The following CACNA1S variants were observed in gnomAD, a reference collection of about 807,000 sequenced individuals.
CACNA1S encodes the protein voltage-dependent L-type calcium channel subunit alpha-1S.
A neutral mutation model predicts 207.4 loss-of-function variants in CACNA1S; 126 were observed. The ratio of observed to expected loss-of-function variants is 0.61; its 90% confidence interval spans 0.53 to 0.70. CACNA1S has a LOEUF of 0.70. Ranked by LOEUF, CACNA1S falls within the 30% of genes least tolerant of loss-of-function variation. The pLI is 0.00. For synonymous variants in CACNA1S, 960 were observed against 932.7 expected, an observed-to-expected ratio of 1.03 and a Z score of -0.53; for missense variants, 2,349 against 2,422.8, an observed-to-expected ratio of 0.97 and a Z score of 0.64.
At chr1:201,054,433 A>G in intron 29 of CACNA1S, 72 bp downstream of exon 29, 2 of 1,439,366 alleles carry the variant, frequency 1.4e-6, no homozygotes, top group Non-Finnish European at 2.0e-6. Flanking sequence ...CCACGCAGCC[A>G]GGCCCATGCA....
In CACNA1S at chr1:201,053,725, C is replaced by CTGCT. The variant is rs1156496819; in HGVS notation, c.3667-142_3667-139dup. The CTGCT allele has an allele frequency of 3.5e-6, 3 of 861,926 alleles. No individual in the cohort carries two copies. The African/African-American group carries it at 5.0e-5, about 14-fold the overall frequency. 53.4% of individuals were successfully genotyped at this position (861,926 alleles called of 1,614,324 possible). A position where few individuals can be genotyped will look rare whatever the true frequency, so the allele number is the denominator to read the frequency against. ...GGAACTCCAGCCCCGCCTCTGGCCC[C>CTGCT]TGCTGTCCACTAGTTCGGGACCATC... is the stretch of plus-strand genomic sequence containing the variant. On this transcript the variant is annotated intron_variant, in intron 29 of 43. Transcript: ENST00000362061. The surrounding 1 kb of genome is among the most constrained non-coding windows in gnomAD (Gnocchi z 5.1).
chr1:201,049,185 A>C (rs1660572133), intron 34 of CACNA1S, 86 bp from the exon 35 acceptor site: 2 of 913,476 alleles, frequency 2.2e-6, no homozygotes, highest in African/African-American at 3.3e-5. Flanking sequence ...AATGGGAAAG[A>C]AAGCCAGGAA....
Position 201,061,958 on chromosome 1 carries a change from G to C in CACNA1S, c.3039C>G (p.Phe1013Leu). 1.2e-6 allele frequency: 2 copies of C among 1,614,208 alleles called. No individual in the cohort carries two copies. Among genetic ancestry groups the C allele is most frequent in the Non-Finnish European group, 1.7e-6 (2 of 1,180,030 alleles). Reference protein sequence around the residue: ...AMMSLFTVSTFEGWPQLLYKA... With the variant: ...AMMSLFTVSTLEGWPQLLYKA... ...CCATCACTCACTGAGGCCATCCCTC[G>C]AAGGTGGAGACCGTGAAGAGGGACA... Residue 1013 changes from phenylalanine (F) to leucine (L), a missense_variant, in exon 24 of 44, where the codon TTC becomes TTG. Phe to Leu is a conservative substitution (Grantham distance 22, BLOSUM62 0). Coordinates refer to ENST00000362061, the MANE Select transcript of CACNA1S (RefSeq NM_000069.3).
At chr1:201,089,777 G>T (rs1662164267) in intron 5 of CACNA1S, among the ~76,000 whole-genome samples, 1 of 152,220 alleles carries the variant, frequency 6.6e-6, no homozygotes, top group Admixed American at 6.5e-5. Context: ...TGTCCCCACA[G>T]AACTTTAAAA....
intron 2 of CACNA1S, among the ~76,000 whole-genome samples, chr1:201,096,091 T>C (rs1183885173): frequency 6.6e-6 from 1 of 152,202 alleles, no homozygotes; most frequent in East Asian, 1.9e-4. Flanking sequence ...CGGCCAGCCA[T>C]GAACACCGGA....
At chr1:201,070,520 G>A (rs1205467456) in intron 16 of CACNA1S, 116 bp from the exon 17 acceptor site, 20 of 1,399,120 alleles carry the variant, frequency 1.4e-5, no homozygotes, top group Non-Finnish European at 2.0e-5. Context: ...GGACCACCAG[G>A]CTGACTTGGG....
At chr1:201,051,861 G>A (rs569357454) in intron 32 of CACNA1S, among the ~76,000 whole-genome samples, 2 of 152,302 alleles carry the variant, frequency 1.3e-5, no homozygotes, top group East Asian at 1.9e-4. Flanking sequence ...GAGCTGGGGC[G>A]AGGTGGGAAT....
Position 201,062,446 on chromosome 1 carries a change from T to C in CACNA1S, c.2906+16A>G, listed in dbSNP as rs779037215. 8 of 1,602,530 alleles carry C rather than the reference T, an allele frequency of 5.0e-6. No homozygotes were observed. The highest frequency in any genetic ancestry group is 6.8e-6 in the Non-Finnish European group (8 of 1,173,510). ...CTGCCCCGTGACCGTCCCACTGTGC[T>C]CCCTGCCCCATGTACCTGCACTCCT... On this transcript the variant is annotated intron_variant, in intron 23 of 43. Coordinates refer to ENST00000362061, the MANE Select transcript of CACNA1S (RefSeq NM_000069.3).
Position 201,039,534 on chromosome 1 carries a change from G to T in CACNA1S, c.*297C>A. The T allele has an allele frequency of 2.0e-6, 1 of 508,932 alleles. No homozygotes were observed. Among genetic ancestry groups the T allele is most frequent in the Non-Finnish European group, 3.6e-6 (1 of 280,712 alleles). The allele number at this position is 508,932 out of a possible 1,614,324, so 31.5% of individuals were successfully genotyped here. A position where few individuals can be genotyped will look rare whatever the true frequency, so the allele number is the denominator to read the frequency against. On this transcript the variant is annotated 3_prime_UTR_variant, in exon 44 of 44. Transcript: ENST00000362061. ...CAGTTGCCAGTGTCACAGGCCTGGA[G>T]ATTTTAATGTCCTGCAGGTGGGAGT...
In CACNA1S at chr1:201,083,167, A is replaced by G; in HGVS notation, c.1388T>C (p.Leu463Ser). The change falls in exon 10 of 44, where the codon TTG becomes TCG. Residue 463 changes from leucine (L) to serine (S), a missense_variant. Coordinates refer to ENST00000362061, the MANE Select transcript of CACNA1S (RefSeq NM_000069.3). ...TTCACTCCGTTCCGCCTCACCTTGCAAACGGGTCAGCCAGAGAGGCTGGTT... is the reference window on the plus strand; with the variant it reads ...TTCACTCCGTTCCGCCTCACCTTGCGAACGGGTCAGCCAGAGAGGCTGGTT... The part of the protein sequence containing the change: ...HHNQPLWLTR[L>S]QDIANRVLLS... 6.2e-7 allele frequency: 1 copy of G among 1,613,686 alleles called. No individual in the cohort carries two copies. Among genetic ancestry groups the G allele is most frequent in the African/African-American group, 1.3e-5 (1 of 75,042 alleles).
At position 201,085,460 on chromosome 1, in the gene CACNA1S, T is replaced by A. The variant is rs909636417; in HGVS notation, c.1126A>T (p.Met376Leu). ...CCTTCTCTGAAGTCCTCAACATCCA[T>A]GACCTCGCCCTGCGTGATCCAGCTC... ...YMSWITQGEV[M>L]DVEDFREGKL... Residue 376 changes from methionine (M) to leucine (L), a missense_variant, in exon 8 of 44, where the codon ATG (methionine) becomes TTG (leucine). Coordinates refer to ENST00000362061, the MANE Select transcript of CACNA1S (RefSeq NM_000069.3). The A allele has an allele frequency of 6.2e-7, 1 of 1,613,210 alleles. No individual in the cohort carries two copies. Among genetic ancestry groups the A allele is most frequent in the African/African-American group, 1.3e-5 (1 of 74,612 alleles).
rs759473845 is a variant in CACNA1S, at chr1:201,087,909, A to T, written c.921T>A (p.Asn307Lys). 4 of 1,612,832 alleles carry T rather than the reference A, an allele frequency of 2.5e-6. No homozygotes were observed. Among genetic ancestry groups the T allele is most frequent in the Non-Finnish European group, 3.4e-6 (4 of 1,179,094 alleles). The change falls in exon 7 of 44, where the codon AAT becomes AAA. Residue 307 changes from asparagine to lysine, a missense_variant. Coordinates refer to ENST00000362061, the MANE Select transcript of CACNA1S (RefSeq NM_000069.3). ...TGACAAAATAGATCCAGGGCCACTC[A>T]TTCCCGATGGCATCATTGACCTGGT... The part of the protein sequence containing the change: ...VLYWVNDAIG[N>K]EWPWIYFVTL...
intron 5 of CACNA1S, 54 bp downstream of exon 5, chr1:201,091,586 C>A (rs199733148): frequency 2.1e-5 from 34 of 1,600,838 alleles, no homozygotes; most frequent in Admixed American, 1.5e-4. Flanking sequence ...GTGGCTCCCC[C>A]TTCTGAGCCA....
At chr1:201,050,223 C>T (rs1232269935) in intron 34 of CACNA1S, among the ~76,000 whole-genome samples, 166 bp downstream of exon 34, 2 of 152,146 alleles carry the variant, frequency 1.3e-5, no homozygotes, top group Non-Finnish European at 2.9e-5. Context: ...CTGTAGGATT[C>T]CCTCCAACCT....
Position 201,110,289 on chromosome 1 carries a change from G to C in CACNA1S, c.153-20C>G. ...AAGGGCCTGGAGCCAGGGTTAAGGAGAGCCCTCGAGTGAGGCAAGGGACTT... is the reference window on the plus strand; with the variant it reads ...AAGGGCCTGGAGCCAGGGTTAAGGACAGCCCTCGAGTGAGGCAAGGGACTT... On this transcript the variant is annotated intron_variant, in intron 1 of 43. Coordinates refer to ENST00000362061, the MANE Select transcript of CACNA1S (RefSeq NM_000069.3). 1 of 1,608,768 alleles carries C rather than the reference G, an allele frequency of 6.2e-7. No homozygotes were observed. The highest frequency in any genetic ancestry group is 8.5e-7 in the Non-Finnish European group (1 of 1,175,084).
intron 19 of CACNA1S, among the ~76,000 whole-genome samples, chr1:201,068,435 G>T (rs1417739114): frequency 1.3e-5 from 2 of 150,112 alleles, no homozygotes; most frequent in African/African-American, 4.9e-5. Context: ...TAGAGACAGG[G>T]TTTCATCATG....
Position 201,053,369 on chromosome 1 carries a change from C to T in CACNA1S, c.3795+90G>A, listed in dbSNP as rs1045870028. The T allele has an allele frequency of 4.0e-5, 65 of 1,611,726 alleles. No homozygotes were observed. The highest frequency in any genetic ancestry group is 3.3e-4 in the Middle Eastern group (2 of 6,070). ...TTAGCTCCCCAGGGCTCTGCCTTGC[C>T]CAGGGCTCCCCTGGGGCCCACCCTG... On this transcript the variant is annotated intron_variant, in intron 30 of 43. Transcript: ENST00000362061. The surrounding 1 kb of genome is among the most constrained non-coding windows in gnomAD (Gnocchi z 5.1).
Position 201,041,533 on chromosome 1 carries a change from C to G in CACNA1S, c.5105G>C (p.Arg1702Pro), listed in dbSNP as rs201310235. The G allele has an allele frequency of 5.0e-5, 81 of 1,614,016 alleles. No individual in the cohort carries two copies. Among genetic ancestry groups the G allele is most frequent in the Admixed American group, 1.7e-4 (10 of 60,016 alleles). The change falls in exon 41 of 44, where the codon CGA becomes CCA. Residue 1702 changes from arginine to proline, a missense_variant. Transcript: ENST00000362061. ...EETETPATRG[R>P]ALGQPCRVLG... ...GACCCTGCAGGGTTGGCCAAGGGCT[C>G]GTCCTCTGGTAGCAGGCGTCTCTGT...
intron 28 of CACNA1S, among the ~76,000 whole-genome samples, chr1:201,055,879 A>G (rs770694597): frequency 5.3e-5 from 8 of 152,078 alleles, no homozygotes; most frequent in Non-Finnish European, 1.2e-4. Flanking sequence ...CGCTACACAG[A>G]CCTCAGATTT....
Sources: allele counts gnomAD v4.1 joint callset (sites outside exome capture counted in the v4.1 genomes callset), GRCh38; gene constraint gnomAD v4.1.1; non-coding constraint Gnocchi (gnomAD v3.1); transcripts MANE v1.5; gene names NCBI Gene and HGNC (gene_info 2026-07-23, HGNC 2026-07-21).